HELZ: variants seen among roughly 807,000 people sequenced by gnomAD.
HELZ encodes the protein ATP-dependent RNA helicase with zinc finger domain.
HELZ carries 23 observed loss-of-function variants against 218.2 expected under a neutral mutation model. The ratio of observed to expected loss-of-function variants is 0.11; its 90% CI spans 0.08 to 0.15. The LOEUF is 0.15. Among genes scored for constraint, HELZ ranks in the 10% least tolerant of loss-of-function variants. The pLI is 1.00. For missense variants in HELZ, 1,813 were observed against 2,353.7 expected, an observed-to-expected ratio of 0.77 and a Z score of 4.75; for synonymous variants, 814 against 829.4, an observed-to-expected ratio of 0.98 and a Z score of 0.32.
intron 13 of HELZ, among the ~76,000 whole-genome samples, chr17:67,175,620 T>C (rs1380618306): frequency 6.6e-6 from 1 of 152,240 alleles, no homozygotes; most frequent in Non-Finnish European, 1.5e-5. Flanking sequence ...TGTTTCTTTG[T>C]ATGTGTACCA....
chr17:67,165,592 A>G (rs1464004264), intron 15 of HELZ, among the ~76,000 whole-genome samples: 1 of 152,224 alleles, frequency 6.6e-6, no homozygotes, highest in African/African-American at 2.4e-5. Context: ...TGAGTTGAGC[A>G]TGGGCAGGTG....
intron 13 of HELZ, chr17:67,176,577 TG>T (rs2039464211): frequency 6.6e-6 from 1 of 152,310 alleles, no homozygotes; most frequent in South Asian, 2.1e-4. Context: ...GGCTCATGCC[TG>T]TAATCCCAGC....
intron 12 of HELZ, chr17:67,179,637 C>T (rs1179724432): frequency 6.6e-6 from 1 of 152,082 alleles, no homozygotes; most frequent in East Asian, 1.9e-4. Context: ...AAGATGAAAT[C>T]CATAGTAACA....
In HELZ at chr17:67,114,347, T is replaced by C; in HGVS notation, c.3895A>G (p.Lys1299Glu). ...ACCTGTTTTGGTTCTGTTGGCTTTT[T>C]CTCTGGTGTTCGAATCTTATTAATT... ...PEINKIRTPE[K>E]KPTEPKQVDL... The change falls in exon 28 of 33, where the codon AAA (lysine) becomes GAA (glutamate). Residue 1299 changes from lysine to glutamate, a missense_variant. By Grantham distance (56) the Lys-to-Glu change is moderately conservative. This residue lies in a region of HELZ where 938 missense variants were observed against 1,027.5 expected (regional missense o/e 0.91). Transcript: ENST00000358691. 6.2e-7 allele frequency: 1 copy of C among 1,611,272 alleles called. No homozygotes were observed. Among genetic ancestry groups the C allele is most frequent in the Non-Finnish European group, 8.5e-7 (1 of 1,177,492 alleles).
chr17:67,083,108 C>T (rs994691690), intron 32 of HELZ, among the ~76,000 whole-genome samples: 6 of 151,914 alleles, frequency 3.9e-5, no homozygotes, highest in African/African-American at 7.2e-5. Flanking sequence ...CCACTCGCTT[C>T]GGCCTCCCAA....
intron 5 of HELZ, among the ~76,000 whole-genome samples, chr17:67,206,760 C>CAT (rs1362088461): frequency 2.0e-5 from 3 of 150,660 alleles, no homozygotes; most frequent in South Asian, 2.1e-4. Flanking sequence ...CCACCATACT[C>CAT]GGCTAATTTT....
chr17:67,077,493 A>G lies in HELZ; in HGVS notation c.*759T>C, dbSNP rs1004161456. The G allele has an allele frequency of 5.9e-5, 9 of 152,260 alleles. No individual in the cohort carries two copies. The highest frequency in any genetic ancestry group is 2.2e-4 in the African/African-American group (9 of 41,440). The allele number at this position is 152,260 out of a possible 1,614,324, so 9.4% of individuals were successfully genotyped here. A position where few individuals can be genotyped will look rare whatever the true frequency, so the allele number is the denominator to read the frequency against. On this transcript the variant is annotated 3_prime_UTR_variant, in exon 33 of 33. Transcript: ENST00000358691. ...TTCAGCTTCTTGATTTGTTTAAAAA[A>G]AAAAACACACACTATCAAATTAACA...
intron 28 of HELZ, among the ~76,000 whole-genome samples, chr17:67,113,251 G>C (rs1464973135): frequency 1.3e-5 from 2 of 152,108 alleles, no homozygotes; most frequent in East Asian, 3.9e-4. Flanking sequence ...TGTGGTAGTT[G>C]AAGAGGAGAG....
intron 28 of HELZ, 129 bp downstream of exon 28, chr17:67,114,195 T>G: frequency 1.5e-6 from 1 of 664,446 alleles, no homozygotes; most frequent in Admixed American, 2.5e-5. Flanking sequence ...TGGCTCACTA[T>G]ATCCCTGTGA....
At chr17:67,173,124 T>C (rs2039359325) in intron 13 of HELZ, 1 of 677,358 alleles carries the variant, frequency 1.5e-6, no homozygotes, top group Non-Finnish European at 1.8e-6. Flanking sequence ...GAAATGCAGC[T>C]TTTCCCACAG....
chr17:67,123,343 C>T (rs1218118151), intron 25 of HELZ, among the ~76,000 whole-genome samples, 183 bp from the exon 26 acceptor site: 1 of 152,058 alleles, frequency 6.6e-6, no homozygotes, highest in Non-Finnish European at 1.5e-5. Context: ...TATAATGCTC[C>T]CTAAAATTAA....
chr17:67,081,493 G>A (rs7212792), intron 32 of HELZ, among the ~76,000 whole-genome samples: 36,965 of 152,084 alleles, frequency 0.24, 4,543 homozygotes, highest in African/African-American at 0.27. Context: ...CCATCTTTAA[G>A]GGTACAGTGT....
chr17:67,209,950 TCACACCTGTAATCTCAACA>T (rs1307107778), intron 5 of HELZ, among the ~76,000 whole-genome samples: 1 of 152,176 alleles, frequency 6.6e-6, no homozygotes, highest in Non-Finnish European at 1.5e-5. Context: ...GTGCAGTAGC[TCACACCTGTAATCTCAACA>T]CTTTGGGAGG....
chr17:67,195,303 T>C, intron 8 of HELZ, 116 bp downstream of exon 8: 1 of 595,700 alleles, frequency 1.7e-6, no homozygotes, highest in Non-Finnish European at 3.0e-6. Context: ...AATCTTATAT[T>C]CTCTCCTACA....
intron 3 of HELZ, among the ~76,000 whole-genome samples, chr17:67,226,257 CAAA>C (rs562828369): frequency 1.5e-5 from 1 of 64,780 alleles, no homozygotes; most frequent in Non-Finnish European, 3.5e-5. Flanking sequence ...GACTCCATCT[CAAA>C]AAAAAAAAAA....
intron 23 of HELZ, among the ~76,000 whole-genome samples, chr17:67,130,066 C>T (rs2037927377): frequency 6.6e-6 from 1 of 152,114 alleles, no homozygotes; most frequent in African/African-American, 2.4e-5. Flanking sequence ...ATTCATAAAA[C>T]TTTGCAGAGT....
At chr17:67,090,736 T>C (rs1307288534) in intron 31 of HELZ, among the ~76,000 whole-genome samples, 2 of 152,140 alleles carry the variant, frequency 1.3e-5, no homozygotes, top group African/African-American at 4.8e-5. Flanking sequence ...CCCAGTCTCC[T>C]TCCTAATATA....
At chr17:67,224,732 T>C (rs1404567346) in intron 3 of HELZ, 4 of 1,032,992 alleles carry the variant, frequency 3.9e-6, no homozygotes, top group African/African-American at 3.3e-5. Context: ...GCAAACATGG[T>C]GAACGTTGCT....
At chr17:67,245,287 C>T (rs2041453510), upstream of HELZ, 3 of 918,480 alleles carry the variant, frequency 3.3e-6, no homozygotes, top group Non-Finnish European at 2.6e-6. Context: ...CCTCCGGCCG[C>T]GCCTCCCGCC....
Sources: allele counts gnomAD v4.1 joint callset (sites outside exome capture counted in the v4.1 genomes callset), GRCh38; gene constraint gnomAD v4.1.1; regional missense constraint gnomAD v4.1.1; transcripts MANE v1.5; gene names NCBI Gene and HGNC (gene_info 2026-07-23, HGNC 2026-07-21).